The following COL21A1 variants were observed in gnomAD, a reference collection of about 807,000 sequenced individuals.
COL21A1 encodes collagen alpha-1(XXI) chain.
Under a neutral mutation model 137.9 loss-of-function variants are expected in COL21A1, and 149 were observed. That is an observed-to-expected ratio of 1.08 (90% CI 0.95 to 1.24). COL21A1 has a LOEUF of 1.24. Among genes scored for constraint, COL21A1 ranks in the 50% most tolerant of loss-of-function variants. The probability of loss-of-function intolerance (pLI) is 0.00; values close to 1 mark genes in which losing one functional copy is unlikely to be tolerated. For missense variants in COL21A1, 1,167 were observed against 1,158.4 expected (o/e 1.01, Z -0.11); for synonymous variants, 456 against 391.5 (o/e 1.16, Z -1.95).
intron 9 of COL21A1, among the ~76,000 whole-genome samples, chr6:56,161,751 T>C (rs1324696125): frequency 1.3e-5 from 2 of 152,146 alleles, no homozygotes; most frequent in African/African-American, 4.8e-5. Context: ...AGAGTTACAA[T>C]GACAATGATA....
chr6:56,064,128 C>T (rs1187010772), intron 24 of COL21A1, among the ~76,000 whole-genome samples: 2 of 152,056 alleles, frequency 1.3e-5, no homozygotes, highest in South Asian at 2.1e-4. Context: ...TTTAATATAT[C>T]TCCAGAGCAG....
intron 16 of COL21A1, among the ~76,000 whole-genome samples, chr6:56,104,953 A>T (rs2152174907): frequency 6.6e-6 from 1 of 152,302 alleles, no homozygotes; most frequent in South Asian, 2.1e-4. Context: ...AATATAGTTT[A>T]ATTTTGAGGA....
intron 16 of COL21A1, among the ~76,000 whole-genome samples, chr6:56,102,204 T>C (rs1377626411): frequency 6.6e-6 from 1 of 152,152 alleles, no homozygotes; most frequent in Non-Finnish European, 1.5e-5. Context: ...CTTCTTCTAC[T>C]AAAACAATAA....
intron 1 of COL21A1, among the ~76,000 whole-genome samples, chr6:56,189,650 C>T (rs2152288832): frequency 1.3e-5 from 2 of 152,030 alleles, no homozygotes; most frequent in South Asian, 4.2e-4. Flanking sequence ...GAAGAGCAAC[C>T]CCAAGACACA....
chr6:56,347,545 AG>A (rs1286590027), intron 1 of COL21A1, among the ~76,000 whole-genome samples: 1 of 150,354 alleles, frequency 6.7e-6, no homozygotes, highest in Non-Finnish European at 1.5e-5. Flanking sequence ...AAAGCAAAGC[AG>A]TATTACCTGA....
intron 1 of COL21A1, among the ~76,000 whole-genome samples, chr6:56,368,988 T>C (rs1220247157): frequency 6.6e-6 from 1 of 152,204 alleles, no homozygotes; most frequent in Non-Finnish European, 1.5e-5. Flanking sequence ...CAGCATGGTA[T>C]TTTCTGCCAT....
At chr6:56,146,462 C>T (rs1774845451) in intron 10 of COL21A1, among the ~76,000 whole-genome samples, 1 of 151,954 alleles carries the variant, frequency 6.6e-6, no homozygotes, top group Non-Finnish European at 1.5e-5. Flanking sequence ...GCTACTTAAC[C>T]CAACTATTAG....
Position 56,165,771 on chromosome 6 carries a change from A to G in COL21A1, c.1279-949T>C, listed in dbSNP as rs77902491. Among the ~76,000 whole-genome samples, 1,312 of 152,308 alleles carry G rather than the reference A, an allele frequency of 8.6e-3. 24 individuals are homozygous for G. The highest frequency in any genetic ancestry group is 0.03 in the African/African-American group (1,266 of 41,562). ...GAAAAAAGAAGATGATGACAACATAACTACACACATTTTAAAAACTATGGT... is the reference window on the plus strand; with the variant it reads ...GAAAAAAGAAGATGATGACAACATAGCTACACACATTTTAAAAACTATGGT... On this transcript the variant is annotated intron_variant, in intron 7 of 29. Coordinates refer to ENST00000244728, the MANE Select transcript of COL21A1 (RefSeq NM_030820.4).
rs774696575 is a variant in COL21A1 at position 56,124,085 on chromosome 6, A to T, written c.1735T>A (p.Leu579Ile). The T allele has an allele frequency of 5.4e-5, 83 of 1,534,382 alleles. No individual in the cohort carries two copies. Among genetic ancestry groups the T allele is most frequent in the Non-Finnish European group, 6.7e-5 (76 of 1,141,612 alleles). ...GEPGRHGKDGLMGSPGFKGEA... is the reference protein window; with the variant it reads ...GEPGRHGKDGIMGSPGFKGEA... The stretch of plus-strand genomic sequence containing the variant: ...ACCTTGAAACCGGGACTACCCATTA[A>T]TCCATCCTTTCCATGTCTTCCTGGT... The change falls in exon 16 of 30, where the codon TTA becomes ATA. Residue 579 changes from leucine to isoleucine, a missense_variant. Leu to Ile is a conservative substitution (Grantham distance 5, BLOSUM62 2). Transcript: ENST00000244728.
At chr6:56,385,762 T>C (rs1275195839) in intron 1 of COL21A1, among the ~76,000 whole-genome samples, 3 of 152,114 alleles carry the variant, frequency 2.0e-5, no homozygotes, top group Non-Finnish European at 4.4e-5. Flanking sequence ...ATCTGCTTTC[T>C]ATCTCTGTGA....
At chr6:56,134,899 T>C (rs761073799) in intron 12 of COL21A1, among the ~76,000 whole-genome samples, 96 of 151,854 alleles carry the variant, frequency 6.3e-4, no homozygotes, top group Non-Finnish European at 2.1e-4. Context: ...CATGGAACTT[T>C]AAGTCCATTA....
intron 1 of COL21A1, among the ~76,000 whole-genome samples, chr6:56,268,572 G>A (rs1016561662): frequency 9.9e-5 from 15 of 152,156 alleles, no homozygotes; most frequent in Admixed American, 2.0e-4. Flanking sequence ...CAAGAATCCA[G>A]ACACAAATAA....
chr6:56,253,945 A>T (rs533182684), intron 1 of COL21A1, among the ~76,000 whole-genome samples: 1 of 152,184 alleles, frequency 6.6e-6, no homozygotes, highest in Non-Finnish European at 1.5e-5. Flanking sequence ...TCCAGATGTA[A>T]CACCCCAAAT....
upstream of COL21A1, among the ~76,000 whole-genome samples, chr6:56,250,830 T>A (rs1002187079): frequency 6.6e-6 from 1 of 152,204 alleles, no homozygotes; most frequent in Non-Finnish European, 1.5e-5. Flanking sequence ...AAAGAGAGTA[T>A]CTTTTTATAT....
chr6:56,358,516 T>C (rs1765889968), intron 1 of COL21A1, among the ~76,000 whole-genome samples: 1 of 152,152 alleles, frequency 6.6e-6, no homozygotes, highest in Non-Finnish European at 1.5e-5. Flanking sequence ...CTTGTCTACA[T>C]GGTAAAATTC....
At chr6:56,324,191 A>C (rs954306993) in intron 1 of COL21A1, among the ~76,000 whole-genome samples, 7 of 152,032 alleles carry the variant, frequency 4.6e-5, no homozygotes, top group African/African-American at 7.2e-5. Flanking sequence ...ATTATCCTTC[A>C]ATCTCTGAGG....
intron 1 of COL21A1, among the ~76,000 whole-genome samples, chr6:56,389,226 G>T (rs968393540): frequency 6.6e-6 from 1 of 152,056 alleles, no homozygotes; most frequent in Non-Finnish European, 1.5e-5. Context: ...GCTGGGTGTG[G>T]TGGCGTGCAC....
chr6:56,123,828 A>G (rs1469717978), intron 16 of COL21A1, among the ~76,000 whole-genome samples: 2 of 152,224 alleles, frequency 1.3e-5, no homozygotes, highest in African/African-American at 4.8e-5. Context: ...GGGTTTATTG[A>G]AGAAGTTCAA....
At chr6:56,090,570 G>C (rs1377359396) in intron 17 of COL21A1, among the ~76,000 whole-genome samples, 2 of 152,072 alleles carry the variant, frequency 1.3e-5, no homozygotes, top group Non-Finnish European at 2.9e-5. Context: ...TACAAATTTA[G>C]TCAATCCTAC....
Sources: allele counts gnomAD v4.1 joint callset (sites outside exome capture counted in the v4.1 genomes callset), GRCh38; gene constraint gnomAD v4.1.1; transcripts MANE v1.5; gene names NCBI Gene and HGNC (gene_info 2026-07-23, HGNC 2026-07-21).